Variants in EARS2 observed in about 807,000 individuals in gnomAD.
The protein encoded by EARS2 is glutamyl-tRNA synthetase 2, mitochondrial, also known as nondiscriminating glutamyl-tRNA synthetase EARS2, mitochondrial.
A neutral mutation model predicts 54.1 loss-of-function variants in EARS2; 50 were observed. The observed-to-expected ratio is 0.92, with a 90% CI of 0.74 to 1.17. The LOEUF (loss-of-function observed/expected upper bound fraction) is 1.17, where lower values mean the gene tolerates loss of function less well. EARS2 is among the 50% of genes most tolerant of loss of function. The probability of loss-of-function intolerance (pLI) is 0.00; values close to 1 mark genes in which losing one functional copy is unlikely to be tolerated. For synonymous variants in EARS2, 298 were observed against 281.0 expected (o/e 1.06, Z -0.61); for missense variants, 673 against 675.0 (o/e 1.00, Z 0.03).
chr16:23,540,021 G>C (rs1256510195), intron 3 of EARS2, among the ~76,000 whole-genome samples: 2 of 152,166 alleles, frequency 1.3e-5, no homozygotes, highest in Non-Finnish European at 2.9e-5. Context: ...GGGCATGGCG[G>C]CACACACCTG....
At chr16:23,557,042 T>C (rs890320949) in intron 1 of EARS2, 163 bp downstream of exon 1, 40 of 1,055,042 alleles carry the variant, frequency 3.8e-5, no homozygotes, top group Non-Finnish European at 5.4e-5. Context: ...TTATTTCCGC[T>C]CCTGCACCTC....
Position 23,535,301 on chromosome 16 carries a change from T to C in EARS2, c.545A>G (p.Asp182Gly), listed in dbSNP as rs1186127220. 14 of 1,604,076 alleles carry C rather than the reference T, an allele frequency of 8.7e-6. No homozygotes were observed. The highest frequency in any genetic ancestry group is 1.2e-5 in the Non-Finnish European group (14 of 1,179,944). Residue 182 changes from aspartate to glycine, a missense_variant, in exon 4 of 9, where the codon GAC (aspartate) becomes GGC (glycine). This residue lies in a region of EARS2 where 316 missense variants were observed against 275.2 expected (regional missense o/e 1.15). Transcript: ENST00000449606. ...QEQVAQKLAK[D>G]PKPAIRFRLE... The stretch of plus-strand genomic sequence containing the variant: ...GCGGAAGCGGATCGCAGGCTTGGGG[T>C]CCTTGGCCAGCTTCTGGGCCACCTG...
Position 23,557,322 on chromosome 16 carries a change from G to C in EARS2, c.22C>G (p.Leu8Val), listed in dbSNP as rs1276356090. Residue 8 changes from leucine to valine, a missense_variant, in exon 1 of 9, where the codon CTG (leucine) becomes GTG (valine). Leu to Val is a conservative substitution (Grantham distance 32). Around this residue, in one of 3 missense-constraint regions of EARS2, gnomAD observed 316 missense variants for 275.2 expected, o/e 1.15. Coordinates refer to ENST00000449606, the MANE Select transcript of EARS2 (RefSeq NM_001083614.2). MAALLRR[L>V]LQRERPSAAS... ...GCCGAAGGCCTCTCGCGCTGCAGCA[G>C]TCTCCTCAGGAGCGCCGCCATGTGG... 8 of 1,539,776 alleles carry C rather than the reference G, an allele frequency of 5.2e-6. No homozygotes were observed. Among genetic ancestry groups the C allele is most frequent in the East Asian group, 2.4e-5 (1 of 42,330 alleles).
chr16:23,557,000 C>G (rs1965802940), intron 1 of EARS2: 1 of 815,972 alleles, frequency 1.2e-6, no homozygotes, highest in African/African-American at 1.7e-5. Flanking sequence ...TGGGATGGCA[C>G]AAAAAACACA....
chr16:23,536,286 C>T (rs186808570), intron 3 of EARS2, among the ~76,000 whole-genome samples: 1 of 152,266 alleles, frequency 6.6e-6, no homozygotes, highest in East Asian at 1.9e-4. Flanking sequence ...GTCTTTGCCA[C>T]AGCTAAGTGT....
intron 2 of EARS2, among the ~76,000 whole-genome samples, chr16:23,547,285 G>C (rs549584524): frequency 7.2e-5 from 11 of 152,140 alleles, no homozygotes; most frequent in African/African-American, 2.7e-4. Flanking sequence ...CATATGAAAC[G>C]TCCAGAAGAG....
intron 3 of EARS2, among the ~76,000 whole-genome samples, chr16:23,543,117 C>CA (rs35137770): frequency 0.76 from 54,510 of 71,928 alleles, 20,993 homozygotes; most frequent in Non-Finnish European, 0.82. Flanking sequence ...TCTGTCTCAC[C>CA]AAAAAAAAAA....
Position 23,524,309 on chromosome 16 carries a change from G to A in EARS2, c.*62C>T. 6.8e-7 allele frequency: 1 copy of A among 1,479,860 alleles called. No homozygotes were observed. The highest frequency in any genetic ancestry group is 9.4e-7 in the Non-Finnish European group (1 of 1,058,500). 91.7% of individuals were successfully genotyped at this position (1,479,860 alleles called of 1,614,324 possible). On this transcript the variant is annotated 3_prime_UTR_variant, in exon 9 of 9. Transcript: ENST00000449606. ...GGCCCCAGGCCTCCTTCTGGTCTCTGAAAGCTGTTTCTAAGCTCACAGGTT... is the reference window on the plus strand; with the variant it reads ...GGCCCCAGGCCTCCTTCTGGTCTCTAAAAGCTGTTTCTAAGCTCACAGGTT...
chr16:23,525,170 C>A (rs1194310641), intron 8 of EARS2, 74 bp downstream of exon 8: 1 of 1,606,118 alleles, frequency 6.2e-7, no homozygotes, highest in African/African-American at 1.3e-5. Context: ...GAGCTCAGTG[C>A]CTGCCAGGAA....
chr16:23,526,589 A>C (rs1472169125), intron 7 of EARS2, among the ~76,000 whole-genome samples: 1 of 152,216 alleles, frequency 6.6e-6, no homozygotes, highest in Non-Finnish European at 1.5e-5. Flanking sequence ...AATTTCTGGG[A>C]AATTATCTGA....
At chr16:23,546,362 G>A (rs1440739094) in intron 2 of EARS2, 2 of 455,844 alleles carry the variant, frequency 4.4e-6, no homozygotes, top group Non-Finnish European at 4.4e-6. Flanking sequence ...TGAGCTGAGT[G>A]GGCCTGGGTT....
At chr16:23,535,488 A>G in intron 3 of EARS2, 128 bp from the exon 4 acceptor site, 1 of 781,654 alleles carries the variant, frequency 1.3e-6, no homozygotes, top group South Asian at 1.7e-5. Flanking sequence ...TCAGTCTATA[A>G]CAGGGATGAT....
chr16:23,546,653 T>C (rs1965607687), intron 2 of EARS2, among the ~76,000 whole-genome samples: 1 of 152,224 alleles, frequency 6.6e-6, no homozygotes, highest in African/African-American at 2.4e-5. Flanking sequence ...CCTCTCAGGC[T>C]CAAGTGATCC....
chr16:23,548,475 T>C (rs1215862791), intron 2 of EARS2, among the ~76,000 whole-genome samples: 4 of 152,106 alleles, frequency 2.6e-5, no homozygotes, highest in Non-Finnish European at 4.4e-5. Context: ...ATCACCGTTG[T>C]TCATCACTGT....
At chr16:23,553,540 T>C (rs575620207) in intron 1 of EARS2, among the ~76,000 whole-genome samples, 1 of 152,000 alleles carries the variant, frequency 6.6e-6, no homozygotes, top group Admixed American at 6.6e-5. Flanking sequence ...GAGGATCACC[T>C]GGGTCTCTAA....
chr16:23,550,732 C>A (rs117258235), intron 2 of EARS2: 3 of 152,200 alleles, frequency 2.0e-5, no homozygotes, highest in Non-Finnish European at 1.5e-5. Context: ...CCACCACGCC[C>A]GGCCAACCAT....
chr16:23,539,562 G>A (rs925492770), intron 3 of EARS2, among the ~76,000 whole-genome samples: 32 of 152,036 alleles, frequency 2.1e-4, no homozygotes, highest in African/African-American at 6.5e-4. Context: ...ATTTGCTTTC[G>A]CTTATTAAAC....
intron 2 of EARS2, among the ~76,000 whole-genome samples, chr16:23,549,221 C>T (rs1965654624): frequency 6.6e-6 from 1 of 152,190 alleles, no homozygotes; most frequent in African/African-American, 2.4e-5. Flanking sequence ...ACTCCCCAAA[C>T]AAGAGCTATA....
In EARS2 at chr16:23,534,985, C is replaced by T. The variant is rs200580645; in HGVS notation, c.861G>A (p.Lys287=). The stretch of plus-strand genomic sequence containing the variant: ...GCTCCAGGAAAACGTCCCCTTGCCT[C>T]TTGGAGAGCTTGCTGCCATCCCTGT... ...LLNRDGSKLS[K]RQGDVFLEHF... Residue 287 remains lysine, a synonymous_variant, in exon 4 of 9, where the codon AAG becomes AAA. Coordinates refer to ENST00000449606, the MANE Select transcript of EARS2 (RefSeq NM_001083614.2). The T allele has an allele frequency of 8.4e-5, 136 of 1,612,832 alleles. 1 individual carries two copies. In the African/African-American group the frequency reaches 1.5e-3, roughly 18 times the overall value.
Sources: allele counts gnomAD v4.1 joint callset (sites outside exome capture counted in the v4.1 genomes callset), GRCh38; gene constraint gnomAD v4.1.1; regional missense constraint gnomAD v4.1.1; transcripts MANE v1.5; gene names NCBI Gene and HGNC (gene_info 2026-07-23, HGNC 2026-07-21).